Variants in SHISA9 observed in about 807,000 individuals in gnomAD.
SHISA9 encodes the protein protein shisa-9.
In SHISA9, 13 loss-of-function variants were observed where a neutral mutation model predicts 38.0. The observed-to-expected ratio is 0.34, with a 90% CI of 0.22 to 0.54. The LOEUF (loss-of-function observed/expected upper bound fraction) is 0.54. Among genes scored for constraint, SHISA9 ranks in the 20% least tolerant of loss-of-function variants. SHISA9 has a pLI of 0.91. For synonymous variants in SHISA9, 275 were observed against 242.0 expected (o/e 1.14, Z -1.27); for missense variants, 538 against 575.8 (o/e 0.93, Z 0.67).
At chr16:13,442,626 C>T in the SHISA9 span, among the ~76,000 whole-genome samples, 3 of 152,036 alleles carry the variant, frequency 2.0e-5, no homozygotes, top group African/African-American at 7.3e-5. Context: ...TTAAAAAAAT[C>T]CTGCAATAAT....
intron 4 of SHISA9, among the ~76,000 whole-genome samples, chr16:13,229,251 A>T (rs1349069991): frequency 6.6e-6 from 1 of 152,248 alleles, no homozygotes; most frequent in Admixed American, 6.5e-5. Context: ...CTCATCTTGG[A>T]ACGCTAGTGA....
At chr16:13,174,015 C>A (rs934892246) in intron 2 of SHISA9, among the ~76,000 whole-genome samples, 3 of 152,002 alleles carry the variant, frequency 2.0e-5, no homozygotes, top group African/African-American at 7.3e-5. Flanking sequence ...CGTGCTGGGG[C>A]CTTAAAAAGT....
At chr16:13,374,661 A>G in the SHISA9 span, among the ~76,000 whole-genome samples, 7 of 152,252 alleles carry the variant, frequency 4.6e-5, no homozygotes, top group East Asian at 1.4e-3. Context: ...CATGATTTAT[A>G]GTTCTTTGGG....
intron 2 of SHISA9, among the ~76,000 whole-genome samples, chr16:13,015,894 C>CTTTCTTTCTT (rs774164045): frequency 4.1e-4 from 52 of 126,312 alleles, no homozygotes; most frequent in Middle Eastern, 3.9e-3. Context: ...TTCTTTCTTT[C>CTTTCTTTCTT]TTTCTTTCTT....
intron 3 of SHISA9, among the ~76,000 whole-genome samples, chr16:13,206,201 C>T (rs1366453468): frequency 6.6e-6 from 1 of 152,134 alleles, no homozygotes; most frequent in Non-Finnish European, 1.5e-5. Flanking sequence ...AGGTCTTCTA[C>T]TCTTTAGTTA....
At chr16:13,277,620 T>C in the SHISA9 span, among the ~76,000 whole-genome samples, 5 of 152,024 alleles carry the variant, frequency 3.3e-5, no homozygotes, top group Non-Finnish European at 5.9e-5. Flanking sequence ...GTTTTCCTTG[T>C]AGAGGTTTTC....
At chr16:13,336,632 C>T in the SHISA9 span, among the ~76,000 whole-genome samples, 1 of 152,166 alleles carries the variant, frequency 6.6e-6, no homozygotes, top group Admixed American at 6.5e-5. Flanking sequence ...CTACACCTGC[C>T]TTTGGATAAT....
At chr16:13,529,920 A>G in the SHISA9 span, among the ~76,000 whole-genome samples, 3 of 152,354 alleles carry the variant, frequency 2.0e-5, no homozygotes, top group Non-Finnish European at 2.9e-5. Context: ...AGGAATGGGC[A>G]TGTGACATAA....
chr16:12,922,933 A>C (rs1052965166), intron 2 of SHISA9, among the ~76,000 whole-genome samples: 4 of 152,092 alleles, frequency 2.6e-5, no homozygotes, highest in African/African-American at 9.7e-5. Context: ...CTATTGTCAC[A>C]ACTGTACCGC....
chr16:13,262,708 G>GGAAGGAAA, the SHISA9 span, among the ~76,000 whole-genome samples: 5 of 149,142 alleles, frequency 3.4e-5, no homozygotes, highest in Admixed American at 2.0e-4. Flanking sequence ...AAGGAAGGAA[G>GGAAGGAAA]GAAAGAAGGA....
the SHISA9 span, among the ~76,000 whole-genome samples, chr16:13,257,436 G>A: frequency 1.3e-5 from 2 of 152,160 alleles, no homozygotes; most frequent in African/African-American, 2.4e-5. Flanking sequence ...ACATTCAAGG[G>A]TGGGGACTGG....
At chr16:13,515,991 A>G in the SHISA9 span, among the ~76,000 whole-genome samples, 1 of 152,258 alleles carries the variant, frequency 6.6e-6, no homozygotes, top group African/African-American at 2.4e-5. Context: ...CCTTTAATGG[A>G]CTGGATAACC....
At chr16:13,280,117 CT>C in the SHISA9 span, among the ~76,000 whole-genome samples, 268 of 102,758 alleles carry the variant, frequency 2.6e-3, no homozygotes, top group South Asian at 0.011. Context: ...CTCTCTTTCT[CT>C]TTTTTTTTTT....
At chr16:12,940,570 T>C (rs1432996168) in intron 2 of SHISA9, among the ~76,000 whole-genome samples, 1 of 152,190 alleles carries the variant, frequency 6.6e-6, no homozygotes, top group African/African-American at 2.4e-5. Context: ...AGAAGCTGCA[T>C]TAGAGAAAAT....
In SHISA9 at chr16:13,169,139, C is replaced by A. The variant is rs546662465; in HGVS notation, c.692-34255C>A. Among the ~76,000 whole-genome samples the A allele has an allele frequency of 3.9e-5, 6 of 152,292 alleles. No homozygotes were observed. In the South Asian group the frequency reaches 8.3e-4, roughly 21 times the overall value. ...GAATAATACCCGCCCCTGGGTTTGGCCATTTCCTTTGTCTTACAGTTGTCA... is the reference window on the plus strand; with the variant it reads ...GAATAATACCCGCCCCTGGGTTTGGACATTTCCTTTGTCTTACAGTTGTCA... On this transcript the variant is annotated intron_variant, in intron 2 of 4. Coordinates refer to ENST00000558583, the MANE Select transcript of SHISA9 (RefSeq NM_001145204.3).
intron 2 of SHISA9, among the ~76,000 whole-genome samples, chr16:12,983,879 A>G (rs879336527): frequency 2.0e-5 from 3 of 152,140 alleles, no homozygotes. Flanking sequence ...AGCTCAGGCT[A>G]CTTTGAGGGG....
rs1440341141 is a variant in SHISA9, at chr16:13,238,114, T to G, written c.*2705T>G. 6.6e-6 allele frequency: 1 copy of G among 152,200 alleles called. No individual in the cohort carries two copies. Among genetic ancestry groups the G allele is most frequent in the Non-Finnish European group, 1.5e-5 (1 of 68,040 alleles). 9.4% of individuals were successfully genotyped at this position (152,200 alleles called of 1,614,324 possible). ...CTGAACTAAAGCCTGGGGTTCTTTC[T>G]TTCTCTCTCCATCTCTCTGTTTCTG... On this transcript the variant is annotated 3_prime_UTR_variant, in exon 5 of 5. Coordinates refer to ENST00000558583, the MANE Select transcript of SHISA9 (RefSeq NM_001145204.3).
intron 2 of SHISA9, among the ~76,000 whole-genome samples, chr16:13,143,832 C>T (rs1255066970): frequency 6.6e-6 from 1 of 152,194 alleles, no homozygotes; most frequent in African/African-American, 2.4e-5. Flanking sequence ...CCCAAATCCA[C>T]ATTCAGTGAC....
the SHISA9 span, among the ~76,000 whole-genome samples, chr16:13,493,708 A>G: frequency 6.7e-6 from 1 of 148,698 alleles, no homozygotes; most frequent in Non-Finnish European, 1.5e-5. Flanking sequence ...TGTGAGAACT[A>G]AGTGGGAGGA....
Sources: allele counts gnomAD v4.1 joint callset (sites outside exome capture counted in the v4.1 genomes callset), GRCh38; gene constraint gnomAD v4.1.1; transcripts MANE v1.5; gene names NCBI Gene and HGNC (gene_info 2026-07-23, HGNC 2026-07-21).